Variants in DNAH11 observed in about 807,000 individuals in gnomAD.
DNAH11 encodes dynein axonemal heavy chain 11, also known as axonemal beta dynein heavy chain 11.
DNAH11 carries 442 observed loss-of-function variants against 526.0 expected under a neutral mutation model. The ratio of observed to expected loss-of-function variants is 0.84; its 90% confidence interval spans 0.78 to 0.91. The LOEUF (loss-of-function observed/expected upper bound fraction) is 0.91. Among genes scored for constraint, DNAH11 ranks in the 40% least tolerant of loss-of-function variants. The pLI is 0.00. For missense variants in DNAH11, 6,989 were observed against 5,448.7 expected, an observed-to-expected ratio of 1.28 and a Z score of -8.90; for synonymous variants, 2,461 against 1,935.9, an observed-to-expected ratio of 1.27 and a Z score of -7.12.
At chr7:21,722,828 A>AT (rs112622777) in intron 44 of DNAH11, among the ~76,000 whole-genome samples, 9,065 of 152,106 alleles carry the variant, frequency 0.06, 620 homozygotes, top group African/African-American at 0.16. Flanking sequence ...ATTTCTTTCA[A>AT]TATTTACCCT....
chr7:21,895,451 C>T (rs1351229169), intron 79 of DNAH11, among the ~76,000 whole-genome samples: 1 of 152,144 alleles, frequency 6.6e-6, no homozygotes, highest in Non-Finnish European at 1.5e-5. Context: ...ATGCAGTATG[C>T]AGTAAACTAG....
chr7:21,702,543 G>A (rs1784108423), intron 36 of DNAH11, among the ~76,000 whole-genome samples, 167 bp from the exon 37 acceptor site: 1 of 151,838 alleles, frequency 6.6e-6, no homozygotes, highest in South Asian at 2.1e-4. Context: ...CGACACTACA[G>A]GGACATGATT....
intron 25 of DNAH11, among the ~76,000 whole-genome samples, chr7:21,628,866 T>G (rs371677194): frequency 1.3e-3 from 196 of 152,292 alleles, no homozygotes; most frequent in African/African-American, 4.6e-3. Flanking sequence ...TTTGTGTTGT[T>G]GATCTTCTGT....
intron 65 of DNAH11, among the ~76,000 whole-genome samples, chr7:21,836,772 A>C (rs1332554509): frequency 6.6e-6 from 1 of 152,190 alleles, no homozygotes; most frequent in African/African-American, 2.4e-5. Flanking sequence ...AAGCTTCTGC[A>C]CAACAAAGGA....
At chr7:21,643,672 G>A (rs1787223386) in intron 28 of DNAH11, among the ~76,000 whole-genome samples, 1 of 152,166 alleles carries the variant, frequency 6.6e-6, no homozygotes, top group African/African-American at 2.4e-5. Context: ...GAAACAACTT[G>A]GGTGAGTGAA....
At chr7:21,589,551 T>C (rs1784601319) in intron 12 of DNAH11, 148 bp downstream of exon 12, 2 of 625,874 alleles carry the variant, frequency 3.2e-6, no homozygotes, top group Non-Finnish European at 2.6e-6. Context: ...CAGGTCTTCA[T>C]TGTAGAGATT....
intron 54 of DNAH11, among the ~76,000 whole-genome samples, chr7:21,759,963 G>T (rs1786823376): frequency 6.6e-6 from 1 of 152,154 alleles, no homozygotes; most frequent in African/African-American, 2.4e-5. Flanking sequence ...GTACGTAGAT[G>T]GTGATTTCTG....
chr7:21,801,022 T>C, intron 61 of DNAH11, 115 bp from the exon 62 acceptor site: 1 of 1,120,786 alleles, frequency 8.9e-7, no homozygotes, highest in Non-Finnish European at 1.3e-6. Context: ...GGGGCAAAGG[T>C]TAATGGGGGG....
chr7:21,671,872 G>C (rs1418299435), intron 30 of DNAH11, among the ~76,000 whole-genome samples: 2 of 152,172 alleles, frequency 1.3e-5, no homozygotes, highest in African/African-American at 4.8e-5. Context: ...ATTTCCATTA[G>C]TGTCAAGAAT....
intron 14 of DNAH11, among the ~76,000 whole-genome samples, chr7:21,593,826 C>T (rs1179580834): frequency 6.6e-6 from 1 of 152,064 alleles, no homozygotes; most frequent in Non-Finnish European, 1.5e-5. Context: ...TAGACCAGCA[C>T]AGTCCTTAAT....
intron 28 of DNAH11, among the ~76,000 whole-genome samples, chr7:21,647,324 T>C (rs1787398833): frequency 6.6e-6 from 1 of 151,146 alleles, no homozygotes; most frequent in South Asian, 2.1e-4. Flanking sequence ...AAATCATCCA[T>C]AAAGCCATAT....
intron 51 of DNAH11, 56 bp downstream of exon 51, chr7:21,745,119 C>T (rs984947487): frequency 9.1e-5 from 138 of 1,521,940 alleles, no homozygotes; most frequent in Non-Finnish European, 1.2e-4. Context: ...TGGATATCCA[C>T]TACTGTCATT....
chr7:21,589,865 GA>G (rs1355049205), intron 12 of DNAH11, among the ~76,000 whole-genome samples: 4 of 152,168 alleles, frequency 2.6e-5, no homozygotes. Flanking sequence ...TACACAGAAT[GA>G]AAGACACGTC....
chr7:21,560,652 C>T (rs1292360952), intron 4 of DNAH11, among the ~76,000 whole-genome samples: 7 of 152,116 alleles, frequency 4.6e-5, no homozygotes, highest in African/African-American at 1.7e-4. Context: ...TCTTCTCCTG[C>T]CTGCTCTATT....
In DNAH11 at chr7:21,750,239, T is replaced by G; in HGVS notation, c.8815T>G (p.Phe2939Val). 6.2e-7 allele frequency: 1 copy of G among 1,605,908 alleles called. No homozygotes were observed. The highest frequency in any genetic ancestry group is 8.5e-7 in the Non-Finnish European group (1 of 1,176,054). Residue 2939 changes from phenylalanine to valine, a missense_variant, in exon 54 of 82, where the codon TTC (phenylalanine) becomes GTC (valine). Phe to Val is a conservative substitution (Grantham distance 50). Transcript: ENST00000409508. ...TGGGGCAGGAGAAATCCCAGATCTG[T>G]TCAGCGATGAAGATGTGGACAAGAT... ...LLASGEIPDL[F>V]SDEDVDKIIS... is the part of the protein sequence containing the mutation.
chr7:21,778,962 G>C lies in DNAH11; in HGVS notation c.9341G>C (p.Gly3114Ala). 1 of 1,612,902 alleles carries C rather than the reference G, an allele frequency of 6.2e-7. No individual in the cohort carries two copies. The highest frequency in any genetic ancestry group is 8.5e-7 in the Non-Finnish European group (1 of 1,179,216). The part of the protein sequence containing the change: ...QKLKTTASQV[G>A]DLKARLASQE... ...GAATAATGACTTTTGCTTTAGGTGG[G>C]AGATCTAAAAGCCAGACTTGCCTCT... Residue 3114 changes from glycine (G) to alanine (A), a missense_variant, in exon 57 of 82, where the codon GGA (glycine) becomes GCA (alanine). By Grantham distance (60) the Gly-to-Ala change is moderately conservative (BLOSUM62 0). Coordinates refer to ENST00000409508, the MANE Select transcript of DNAH11 (RefSeq NM_001277115.2).
chr7:21,870,099 C>T (rs1440290839), intron 73 of DNAH11, among the ~76,000 whole-genome samples: 1 of 152,156 alleles, frequency 6.6e-6, no homozygotes, highest in African/African-American at 2.4e-5. Flanking sequence ...TCGTGATTCT[C>T]TATATAAAGA....
intron 14 of DNAH11, among the ~76,000 whole-genome samples, chr7:21,595,992 C>G (rs1365740547): frequency 6.6e-6 from 1 of 151,978 alleles, no homozygotes; most frequent in Non-Finnish European, 1.5e-5. Context: ...GATTTTCTTA[C>G]CAAAACGTAA....
At chr7:21,610,098 C>CA (rs1402391307) in intron 20 of DNAH11, among the ~76,000 whole-genome samples, 1 of 152,080 alleles carries the variant, frequency 6.6e-6, no homozygotes, top group South Asian at 2.1e-4. Flanking sequence ...ACTAAAAATA[C>CA]AAAAAATTAG....
Sources: gnomAD v4.1 joint callset for allele counts (sites outside exome capture counted in the v4.1 genomes callset) on GRCh38, gnomAD v4.1.1 for gene constraint, MANE v1.5 for transcripts, NCBI Gene and HGNC (gene_info 2026-07-23, HGNC 2026-07-21) for gene names.